The following SMO variants were observed in gnomAD, a reference collection of about 807,000 sequenced individuals.
The protein encoded by SMO is smoothened, frizzled class receptor, also known as protein smoothened.
In SMO, 40 loss-of-function variants were observed where a neutral mutation model predicts 81.6. That is an observed-to-expected ratio of 0.49 (90% CI 0.38 to 0.64). SMO has a LOEUF of 0.64. Among genes scored for constraint, SMO ranks in the 30% least tolerant of loss-of-function variants. The pLI is 0.00. For synonymous variants in SMO, 434 were observed against 432.1 expected (o/e 1.00, Z -0.05); for missense variants, 916 against 1,061.1 (o/e 0.86, Z 1.90).
intron 4 of SMO, among the ~76,000 whole-genome samples, 167 bp from the exon 5 acceptor site, chr7:129,205,983 G>A (rs980189931): frequency 6.6e-6 from 1 of 152,194 alleles, no homozygotes; most frequent in South Asian, 2.1e-4. Context: ...CTGCTCAAAG[G>A]GGCGGCTCCT....
chr7:129,200,370 G>A (rs369606743), intron 1 of SMO, among the ~76,000 whole-genome samples: 1 of 151,930 alleles, frequency 6.6e-6, no homozygotes, highest in Non-Finnish European at 1.5e-5. Context: ...GCAGTGAGCC[G>A]AGATCACATT....
chr7:129,202,536 G>A (rs988578585), intron 1 of SMO, among the ~76,000 whole-genome samples: 3 of 152,170 alleles, frequency 2.0e-5, no homozygotes, highest in East Asian at 1.9e-4. Flanking sequence ...TGGGCAGGGC[G>A]GAGGACTAGG....
rs1793819164 is a variant in SMO, at chr7:129,208,997, T to C, written c.1357+146T>C. 1.6e-6 allele frequency: 1 copy of C among 641,906 alleles called. No individual in the cohort carries two copies. The highest frequency in any genetic ancestry group is 2.8e-6 in the Non-Finnish European group (1 of 357,064). 39.8% of individuals were successfully genotyped at this position (641,906 alleles called of 1,614,324 possible). A position where few individuals can be genotyped will look rare whatever the true frequency, so the allele number is the denominator to read the frequency against. Reference sequence around the variant, plus strand: ...GACAAGGGGTGTGTGTAGGTGGTAGTGGTAGTGGCAGCTCAAAAGAAGGGG... The same window carrying C: ...GACAAGGGGTGTGTGTAGGTGGTAGCGGTAGTGGCAGCTCAAAAGAAGGGG... On this transcript the variant is annotated intron_variant, in intron 7 of 11. Coordinates refer to ENST00000249373, the MANE Select transcript of SMO (RefSeq NM_005631.5). This position sits in a 1 kb window ranked among gnomAD's most constrained non-coding sequence, Gnocchi z 5.2.
chr7:129,207,238 G>C (rs764110141), intron 6 of SMO, among the ~76,000 whole-genome samples: 3 of 152,110 alleles, frequency 2.0e-5, no homozygotes, highest in Non-Finnish European at 4.4e-5. Context: ...AACCTACTCT[G>C]CCCACTTGGA....
chr7:129,205,181 C>A, intron 2 of SMO, 22 bp from the exon 3 acceptor site: 1 of 1,610,570 alleles, frequency 6.2e-7, no homozygotes. Context: ...TTGACACCGT[C>A]TTTTCCCATC....
rs1431916149 is a variant in SMO at position 129,189,494 on chromosome 7, G to A, written c.331+12G>A. 2 of 1,535,520 alleles carry A rather than the reference G, an allele frequency of 1.3e-6. No homozygotes were observed. ...CGTGCTCTGGTCGGGTAAGTGCGGC[G>A]GAGCCGGGTCTGGGGGGCGGGAGGT... On this transcript the variant is annotated intron_variant, in intron 1 of 11. Coordinates refer to ENST00000249373, the MANE Select transcript of SMO (RefSeq NM_005631.5). The surrounding 1 kb of genome is among the most constrained non-coding windows in gnomAD (Gnocchi z 4.7).
At position 129,208,915 on chromosome 7, in the gene SMO, G is replaced by C; in HGVS notation, c.1357+64G>C. 1.8e-6 allele frequency: 2 copies of C among 1,131,288 alleles called. No individual in the cohort carries two copies. The highest frequency in any genetic ancestry group is 2.7e-6 in the Non-Finnish European group (2 of 753,194). 70.1% of individuals were successfully genotyped at this position (1,131,288 alleles called of 1,614,324 possible). On this transcript the variant is annotated intron_variant, in intron 7 of 11. Transcript: ENST00000249373. The surrounding 1 kb of genome is among the most constrained non-coding windows in gnomAD (Gnocchi z 5.2). ...CAGCCCAACACTGCACCCTCCTGGG[G>C]CTATGCGACCGGCAGGATGCAGTAA...
chr7:129,201,279 T>TCAGG, intron 1 of SMO, among the ~76,000 whole-genome samples: 1 of 152,218 alleles, frequency 6.6e-6, no homozygotes, highest in South Asian at 2.1e-4. Flanking sequence ...ACTCCTGACC[T>TCAGG]TGTGATCCAC....
intron 3 of SMO, 35 bp downstream of exon 3, chr7:129,205,447 A>G (rs552703740): frequency 6.3e-7 from 1 of 1,591,598 alleles, no homozygotes; most frequent in African/African-American, 1.3e-5. Context: ...GGGGGCCCTC[A>G]GCCTGGAACG....
At chr7:129,205,807 T>G (rs1444954331) in intron 4 of SMO, 25 bp downstream of exon 4, 2 of 1,594,076 alleles carry the variant, frequency 1.3e-6, no homozygotes, top group Non-Finnish European at 1.7e-6. Context: ...GACCCAGAGG[T>G]GAAGGTACAG....
At chr7:129,193,777 A>T (rs1793516014) in intron 1 of SMO, among the ~76,000 whole-genome samples, 1 of 90,196 alleles carries the variant, frequency 1.1e-5, no homozygotes, top group African/African-American at 4.2e-5. Flanking sequence ...AAAAAAAAAA[A>T]AAAAAAAAAT....
intron 1 of SMO, among the ~76,000 whole-genome samples, chr7:129,198,194 C>T (rs1326642155): frequency 6.6e-6 from 1 of 152,162 alleles, no homozygotes; most frequent in South Asian, 2.1e-4. Context: ...TTAAGTGATC[C>T]ACCCACCTTG....
At chr7:129,203,645 A>AGGGCAGGGTCCAGTGGG in intron 2 of SMO, 56 bp downstream of exon 2, 1 of 1,412,916 alleles carries the variant, frequency 7.1e-7, no homozygotes, top group Non-Finnish European at 9.7e-7. Context: ...GACCGGGTAT[A>AGGGCAGGGTCCAGTGGG]GGGCAGGGTC....
In SMO at chr7:129,212,453, C is replaced by A. The variant is rs2150657434; in HGVS notation, c.*2C>A. 6.2e-7 allele frequency: 1 copy of A among 1,608,662 alleles called. No homozygotes were observed. On this transcript the variant is annotated 3_prime_UTR_variant, in exon 12 of 12. Transcript: ENST00000249373. The surrounding 1 kb of genome is among the most constrained non-coding windows in gnomAD (Gnocchi z 5.0). ...ATGGATGCAGACTCGGACTTCTGAGCCTGCAGAGCAGGACCTGGGACAGGA... is the reference window on the plus strand; with the variant it reads ...ATGGATGCAGACTCGGACTTCTGAGACTGCAGAGCAGGACCTGGGACAGGA...
Position 129,211,142 on chromosome 7 carries a change from C to A in SMO, c.1801+29C>A. 6.3e-7 allele frequency: 1 copy of A among 1,581,396 alleles called. No homozygotes were observed. The highest frequency in any genetic ancestry group is 8.6e-7 in the Non-Finnish European group (1 of 1,163,468). ...AGCCTCACCCCTCCTCTACCGGAGC[C>A]GCCTGGCCCCGCGCTGCCCATGTGC... is the stretch of plus-strand genomic sequence containing the variant. On this transcript the variant is annotated intron_variant, in intron 10 of 11. Transcript: ENST00000249373. This position sits in a 1 kb window ranked among gnomAD's most constrained non-coding sequence, Gnocchi z 4.6.
At chr7:129,197,662 C>T (rs1160188890) in intron 1 of SMO, among the ~76,000 whole-genome samples, 1 of 152,102 alleles carries the variant, frequency 6.6e-6, no homozygotes, top group African/African-American at 2.4e-5. Flanking sequence ...ACCGTGTGAT[C>T]CGCCCGCCTC....
intron 6 of SMO, among the ~76,000 whole-genome samples, chr7:129,207,787 A>G (rs143571503): frequency 4.2e-4 from 64 of 152,132 alleles, no homozygotes; most frequent in African/African-American, 1.5e-3. Context: ...TAGCTATGTG[A>G]GAGGCTGAGG....
chr7:129,200,892 C>CGG (rs1453104584), intron 1 of SMO, among the ~76,000 whole-genome samples: 1 of 152,158 alleles, frequency 6.6e-6, no homozygotes, highest in Admixed American at 6.5e-5. Flanking sequence ...TGGACCACCA[C>CGG]GCCTGGTTAA....
In SMO at chr7:129,210,275, A is replaced by T; in HGVS notation, c.1467-88A>T. 8.6e-7 allele frequency: 1 copy of T among 1,162,062 alleles called. No individual in the cohort carries two copies. 72.0% of individuals were successfully genotyped at this position (1,162,062 alleles called of 1,614,324 possible). A position where few individuals can be genotyped will look rare whatever the true frequency, so the allele number is the denominator to read the frequency against. ...GGTTGTGATCACGCCACCGCACTCT[A>T]GCCTGGGTGACAGAGCAAGATCCTA... On this transcript the variant is annotated intron_variant, in intron 8 of 11. Coordinates refer to ENST00000249373, the MANE Select transcript of SMO (RefSeq NM_005631.5). The surrounding 1 kb of genome is among the most constrained non-coding windows in gnomAD (Gnocchi z 4.7).
Sources: allele counts gnomAD v4.1 joint callset (sites outside exome capture counted in the v4.1 genomes callset), GRCh38; gene constraint gnomAD v4.1.1; non-coding constraint Gnocchi (gnomAD v3.1); transcripts MANE v1.5; gene names NCBI Gene and HGNC (gene_info 2026-07-23, HGNC 2026-07-21).